Variants in CCL26 observed in about 807,000 individuals in gnomAD.
The protein encoded by CCL26 is C-C motif chemokine ligand 26, also known as C-C motif chemokine 26.
A neutral mutation model predicts 10.7 loss-of-function variants in CCL26; 10 were observed. The ratio of observed to expected loss-of-function variants is 0.93; its 90% CI spans 0.57 to 1.58. The LOEUF (loss-of-function observed/expected upper bound fraction) is 1.58. Ranked by LOEUF, CCL26 falls within the 40% of genes most tolerant of loss-of-function variation. The pLI is 0.00. For synonymous variants in CCL26, 43 were observed against 41.4 expected (o/e 1.04, Z -0.15); for missense variants, 116 against 111.0 (o/e 1.05, Z -0.20).
chr7:75,785,645 C>T (rs1341066630), intron 1 of CCL26, among the ~76,000 whole-genome samples: 2 of 152,178 alleles, frequency 1.3e-5, no homozygotes, highest in African/African-American at 4.8e-5. Flanking sequence ...GATACTTTCA[C>T]CTTTGGATAC....
intron 1 of CCL26, among the ~76,000 whole-genome samples, chr7:75,789,430 C>G (rs1458891482): frequency 1.3e-5 from 2 of 150,488 alleles, no homozygotes; most frequent in African/African-American, 4.9e-5. Flanking sequence ...CTCTTTGCCA[C>G]TCTTCTGGGA....
chr7:75,785,312 A>G (rs1803159915), intron 1 of CCL26, among the ~76,000 whole-genome samples: 1 of 151,866 alleles, frequency 6.6e-6, no homozygotes. Flanking sequence ...AGCCCTCATT[A>G]CTTCAGCCAA....
Position 75,771,361 on chromosome 7 carries a change from C to T in CCL26, c.188+528G>A, listed in dbSNP as rs11465338. ...CTCAACATGTCATTTAATTGTTAGC[C>T]ACATTTTCAAGGTTATTCATCATAG... On this transcript the variant is annotated intron_variant, in intron 2 of 2. Transcript: ENST00000005180. Among the ~76,000 whole-genome samples, 344 of 152,260 alleles carry T rather than the reference C, an allele frequency of 2.3e-3. 2 individuals carry two copies. Among genetic ancestry groups the T allele is most frequent in the African/African-American group, 7.7e-3 (322 of 41,558 alleles).
chr7:75,784,568 A>G (rs995874728), intron 1 of CCL26, among the ~76,000 whole-genome samples: 4 of 152,072 alleles, frequency 2.6e-5, no homozygotes, highest in Non-Finnish European at 4.4e-5. Context: ...ACTGTTGTGG[A>G]TATTGATGGC....
chr7:75,784,974 T>C (rs1803151824), intron 1 of CCL26, among the ~76,000 whole-genome samples: 2 of 152,320 alleles, frequency 1.3e-5, no homozygotes, highest in South Asian at 4.1e-4. Flanking sequence ...TGTTACAGCA[T>C]GGGCTTCTAA....
intron 1 of CCL26, among the ~76,000 whole-genome samples, chr7:75,779,764 CT>C (rs1803019515): frequency 6.6e-6 from 1 of 152,222 alleles, no homozygotes. Flanking sequence ...CCCACATTCC[CT>C]TGGTGGCAAG....
At chr7:75,787,607 T>C (rs1246162298) in intron 1 of CCL26, among the ~76,000 whole-genome samples, 3 of 126,970 alleles carry the variant, frequency 2.4e-5, no homozygotes, top group Non-Finnish European at 3.1e-5. Context: ...ATCACACCAC[T>C]GCACTCCAGC....
intron 1 of CCL26, among the ~76,000 whole-genome samples, chr7:75,778,383 G>A (rs1233458033): frequency 6.7e-6 from 1 of 148,520 alleles, no homozygotes; most frequent in East Asian, 2.0e-4. Flanking sequence ...CACCATGTCT[G>A]GCTAGTTTCT....
intron 1 of CCL26, among the ~76,000 whole-genome samples, chr7:75,783,077 A>G (rs1803101643): frequency 6.6e-6 from 1 of 152,148 alleles, no homozygotes; most frequent in South Asian, 2.1e-4. Context: ...CTGTCCAACA[A>G]TTTCCTCTTA....
At chr7:75,776,219 A>ACAC (rs1802937222), upstream of CCL26, among the ~76,000 whole-genome samples, 1 of 151,378 alleles carries the variant, frequency 6.6e-6, no homozygotes, top group Non-Finnish European at 1.5e-5. Context: ...TTACAGGCGC[A>ACAC]CACCACCATG....
At chr7:75,789,461 C>CTTTTTT (rs35341116) in intron 1 of CCL26, among the ~76,000 whole-genome samples, 6 of 123,002 alleles carry the variant, frequency 4.9e-5, no homozygotes, top group Non-Finnish European at 8.6e-5. Context: ...CTCTTTTTCT[C>CTTTTTT]TTTTTTTTTT....
At chr7:75,780,617 G>A (rs909052578) in intron 1 of CCL26, among the ~76,000 whole-genome samples, 6 of 152,000 alleles carry the variant, frequency 3.9e-5, no homozygotes, top group Admixed American at 2.0e-4. Flanking sequence ...GGTGCCTGAC[G>A]TCCAGGCATT....
intron 1 of CCL26, among the ~76,000 whole-genome samples, chr7:75,784,188 A>C (rs1554529738): frequency 6.6e-6 from 1 of 152,136 alleles, no homozygotes; most frequent in Admixed American, 6.5e-5. Flanking sequence ...CTCCTCCCCC[A>C]GGAGCTTGCT....
intron 2 of CCL26, among the ~76,000 whole-genome samples, chr7:75,770,236 AT>A (rs1802793449): frequency 1.3e-5 from 2 of 151,390 alleles, no homozygotes; most frequent in Non-Finnish European, 2.9e-5. Flanking sequence ...CACCCAGCGA[AT>A]TTCTGTGTTT....
At chr7:75,779,437 C>A (rs1427363765) in intron 1 of CCL26, among the ~76,000 whole-genome samples, 1 of 152,186 alleles carries the variant, frequency 6.6e-6, no homozygotes, top group Non-Finnish European at 1.5e-5. Context: ...CAAGGAACAT[C>A]TCACCAATTT....
At chr7:75,791,375 G>A (rs1803329453), upstream of CCL26, among the ~76,000 whole-genome samples, 1 of 152,076 alleles carries the variant, frequency 6.6e-6, no homozygotes, top group African/African-American at 2.4e-5. Flanking sequence ...AGGACCTTGA[G>A]TATGCCCTTG....
rs1186207338 is a variant in CCL26, at chr7:75,778,628, C to CTT, written c.-78-6376_-78-6375dup. 2.7e-3 allele frequency among the ~76,000 whole-genome samples: 350 copies of CTT among 129,544 alleles called. 6 individuals are homozygous for CTT. The highest frequency in any genetic ancestry group is 0.014 in the East Asian group (62 of 4,382). 85.0% of individuals were successfully genotyped at this position (129,544 alleles called of 152,430 possible). A position where few individuals can be genotyped will look rare whatever the true frequency, so the allele number is the denominator to read the frequency against. ...AAATGTCTATTAAGGGTTCTTTGCA[C>CTT]TTTTTTTTTTTTTTTTGAGACAGAG... On this transcript the variant is annotated intron_variant, in intron 1 of 3. Coordinates refer to the CCL26 transcript ENST00000394905.
intron 2 of CCL26, among the ~76,000 whole-genome samples, chr7:75,770,851 T>C (rs1802805930): frequency 6.6e-6 from 1 of 152,190 alleles, no homozygotes. Context: ...GATTCTTTCA[T>C]TGTAATAGAA....
At chr7:75,783,703 C>T (rs1472950661) in intron 1 of CCL26, among the ~76,000 whole-genome samples, 4 of 150,214 alleles carry the variant, frequency 2.7e-5, no homozygotes, top group South Asian at 4.2e-4. Context: ...AGGAGAATGG[C>T]GTGAACCCGG....
Sources: allele counts gnomAD v4.1 joint callset (sites outside exome capture counted in the v4.1 genomes callset), GRCh38; gene constraint gnomAD v4.1.1; transcripts MANE v1.5; gene names NCBI Gene and HGNC (gene_info 2026-07-23, HGNC 2026-07-21).